The following LMBR1 variants were observed in gnomAD, a reference collection of about 807,000 sequenced individuals.
The protein encoded by LMBR1 is limb region 1 protein homolog.
In LMBR1, 52 loss-of-function variants were observed where a neutral mutation model predicts 73.9. That is an observed-to-expected ratio of 0.70 (90% CI 0.56 to 0.89). LMBR1 has a LOEUF of 0.89. LMBR1 is among the 40% of genes least tolerant of loss of function. The pLI, the probability that LMBR1 is intolerant of heterozygous loss-of-function variation, is 0.00. For synonymous variants in LMBR1, 215 were observed against 209.4 expected (o/e 1.03, Z -0.23); for missense variants, 539 against 579.8 (o/e 0.93, Z 0.72).
chr7:156,875,134 CACTT>C (rs1214088741), intron 1 of LMBR1, among the ~76,000 whole-genome samples: 37 of 152,104 alleles, frequency 2.4e-4, no homozygotes, highest in Non-Finnish European at 1.5e-5. Context: ...ATAAAGGACA[CACTT>C]AGAGAAATGC....
At chr7:156,754,755 AT>A (rs1322726791) in intron 9 of LMBR1, among the ~76,000 whole-genome samples, 1 of 152,150 alleles carries the variant, frequency 6.6e-6, no homozygotes, top group African/African-American at 2.4e-5. Context: ...TTCTGAAGAA[AT>A]GGTAAGTCGT....
chr7:156,821,694 C>T (rs1834823849), intron 4 of LMBR1, among the ~76,000 whole-genome samples: 1 of 152,176 alleles, frequency 6.6e-6, no homozygotes, highest in African/African-American at 2.4e-5. Context: ...TGAATGCTCA[C>T]CAAAGGGTGA....
intron 5 of LMBR1, among the ~76,000 whole-genome samples, chr7:156,781,984 T>TC (rs1161918375): frequency 2.6e-5 from 4 of 152,096 alleles, no homozygotes; most frequent in African/African-American, 7.2e-5. Flanking sequence ...AACAATAACT[T>TC]CCCCCCCAAT....
chr7:156,685,917 T>C lies in LMBR1; in HGVS notation c.1388-1754A>G, dbSNP rs1805914679. 6.6e-6 allele frequency among the ~76,000 whole-genome samples: 1 copy of C among 152,232 alleles called. No homozygotes were observed. Among genetic ancestry groups the C allele is most frequent in the East Asian group, 1.9e-4 (1 of 5,208 alleles). On this transcript the variant is annotated intron_variant, in intron 16 of 16. Transcript: ENST00000353442. This position sits in a 1 kb window ranked among gnomAD's most constrained non-coding sequence, Gnocchi z 4.1. ...ACTAATATAGCACTCCAAATTTTAA[T>C]CTTCCTGTCACCTGCATATCTTAAT...
chr7:156,731,729 A>T (rs574739294), intron 10 of LMBR1, among the ~76,000 whole-genome samples: 1 of 152,286 alleles, frequency 6.6e-6, no homozygotes, highest in Non-Finnish European at 1.5e-5. Context: ...GGAACATATG[A>T]ATTAGAATAC....
In LMBR1 at chr7:156,752,215, A is replaced by G. The variant is rs1224243268; in HGVS notation, c.757+4178T>C. 8.5e-5 allele frequency among the ~76,000 whole-genome samples: 13 copies of G among 152,352 alleles called. No individual in the cohort carries two copies. In the East Asian group the frequency reaches 2.3e-3, roughly 27 times the overall value. On this transcript the variant is annotated intron_variant, in intron 9 of 16. Transcript: ENST00000353442. ...ACCTGACCATGGCATTTCATAGAAC[A>G]GTGGAAGCAAGAGTGAGTTTCAAAA...
At chr7:156,802,702 A>C (rs1831221475) in intron 4 of LMBR1, among the ~76,000 whole-genome samples, 1 of 152,170 alleles carries the variant, frequency 6.6e-6, no homozygotes, top group African/African-American at 2.4e-5. Flanking sequence ...CACCACAATT[A>C]AGCTAATGAA....
intron 5 of LMBR1, among the ~76,000 whole-genome samples, chr7:156,774,259 G>C (rs760280306): frequency 2.6e-5 from 4 of 152,212 alleles, no homozygotes; most frequent in South Asian, 2.1e-4. Context: ...CTCATGTACT[G>C]CTGGTGGGAA....
intron 15 of LMBR1, among the ~76,000 whole-genome samples, chr7:156,720,867 G>C (rs977700451): frequency 6.6e-5 from 10 of 151,924 alleles, no homozygotes; most frequent in African/African-American, 1.2e-4. Flanking sequence ...CTCTGTGAAA[G>C]CATTGTTTAT....
At chr7:156,793,295 T>G (rs1331304113) in intron 5 of LMBR1, among the ~76,000 whole-genome samples, 1 of 152,230 alleles carries the variant, frequency 6.6e-6, no homozygotes, top group Non-Finnish European at 1.5e-5. Context: ...GGCTCAAATG[T>G]ATGCTTAACA....
At chr7:156,692,379 C>CT (rs1343531412) in intron 15 of LMBR1, among the ~76,000 whole-genome samples, 1 of 152,144 alleles carries the variant, frequency 6.6e-6, no homozygotes, top group Non-Finnish European at 1.5e-5. Flanking sequence ...GCCCAGCTGA[C>CT]TTTACCTTTT....
intron 1 of LMBR1, among the ~76,000 whole-genome samples, chr7:156,870,633 C>G (rs1799135473): frequency 1.3e-5 from 2 of 151,826 alleles, no homozygotes; most frequent in Non-Finnish European, 2.9e-5. Context: ...GGCGTGGCAG[C>G]AGGCGCCTGT....
rs547453875 is a variant in LMBR1, at chr7:156,697,693, C to A, written c.1226-9502G>T. Among the ~76,000 whole-genome samples the A allele has an allele frequency of 6.6e-5, 10 of 152,306 alleles. No homozygotes were observed. In the East Asian group the frequency reaches 1.9e-3, roughly 29 times the overall value. On this transcript the variant is annotated intron_variant, in intron 15 of 16. Coordinates refer to ENST00000353442, the MANE Select transcript of LMBR1 (RefSeq NM_022458.4). ...TGCCCGACCCCGCAGGCAGTCAGAC[C>A]TTATGGTTGTCTTCCCTTGTTCCCT...
At chr7:156,710,892 T>C (rs1811941780) in intron 15 of LMBR1, among the ~76,000 whole-genome samples, 1 of 152,120 alleles carries the variant, frequency 6.6e-6, no homozygotes, top group Non-Finnish European at 1.5e-5. Context: ...AAAATAATTG[T>C]CAGTCAAGCA....
At chr7:156,706,470 G>A (rs983966011) in intron 15 of LMBR1, among the ~76,000 whole-genome samples, 8 of 152,056 alleles carry the variant, frequency 5.3e-5, no homozygotes, top group African/African-American at 1.7e-4. Context: ...CACATAAAAC[G>A]TTCTCCAAGA....
At chr7:156,799,897 T>C (rs1585869749) in intron 4 of LMBR1, among the ~76,000 whole-genome samples, 1 of 152,212 alleles carries the variant, frequency 6.6e-6, no homozygotes, top group Non-Finnish European at 1.5e-5. Context: ...TCTGGACAGA[T>C]CACACCAGCC....
chr7:156,833,918 G>T (rs1230423756), intron 2 of LMBR1, 126 bp from the exon 3 acceptor site: 5 of 626,366 alleles, frequency 8.0e-6, no homozygotes. Flanking sequence ...TTTTCAAAAA[G>T]CACTGTATTT....
intron 10 of LMBR1, 175 bp downstream of exon 10, chr7:156,734,002 T>A (rs1168679203): frequency 2.2e-6 from 1 of 449,374 alleles, no homozygotes; most frequent in African/African-American, 2.0e-5. Flanking sequence ...AAAAAGTGAA[T>A]AAATGTAAAC....
At chr7:156,750,283 C>CGT (rs1023252008) in intron 9 of LMBR1, among the ~76,000 whole-genome samples, 3 of 146,540 alleles carry the variant, frequency 2.0e-5, no homozygotes, top group Non-Finnish European at 3.0e-5. Context: ...GTTAAGTGTG[C>CGT]GTGTGTGTGT....
Sources: gnomAD v4.1 joint callset for allele counts (sites outside exome capture counted in the v4.1 genomes callset) on GRCh38, gnomAD v4.1.1 for gene constraint, Gnocchi (gnomAD v3.1) non-coding constraint, MANE v1.5 for transcripts, NCBI Gene and HGNC (gene_info 2026-07-23, HGNC 2026-07-21) for gene names.